Variants in COL13A1 observed in about 807,000 individuals in gnomAD.
The protein encoded by COL13A1 is collagen type XIII alpha 1 chain.
Under a neutral mutation model 130.9 loss-of-function variants are expected in COL13A1, and 89 were observed. The ratio of observed to expected loss-of-function variants is 0.68; its 90% CI spans 0.57 to 0.81. COL13A1 has a LOEUF of 0.81. Among genes scored for constraint, COL13A1 ranks in the 30% least tolerant of loss-of-function variants. The pLI, the probability that COL13A1 is intolerant of heterozygous loss-of-function variation, is 0.00. For missense variants in COL13A1, 879 were observed against 934.6 expected (o/e 0.94, Z 0.78); for synonymous variants, 402 against 341.6 (o/e 1.18, Z -1.95).
intron 31 of COL13A1, 141 bp from the exon 32 acceptor site, chr10:69,935,209 G>A: frequency 4.5e-6 from 3 of 667,620 alleles, no homozygotes; most frequent in Non-Finnish European, 7.8e-6. Flanking sequence ...TTTTTTGGGG[G>A]ATACTGTGCT....
intron 25 of COL13A1, among the ~76,000 whole-genome samples, chr10:69,925,287 G>A (rs1416832043): frequency 1.3e-5 from 2 of 152,212 alleles, no homozygotes; most frequent in East Asian, 1.9e-4. Flanking sequence ...TTAGTCTCAC[G>A]CTCAGTAAAT....
At chr10:69,889,472 T>C (rs780074147) in intron 10 of COL13A1, 32 bp downstream of exon 10, 9 of 1,607,220 alleles carry the variant, frequency 5.6e-6, no homozygotes, top group Non-Finnish European at 7.6e-6. Flanking sequence ...CTTCCCGAGA[T>C]GGGTGGGGGT....
At chr10:69,929,251 G>C (rs1487076403) in intron 28 of COL13A1, among the ~76,000 whole-genome samples, 1 of 151,680 alleles carries the variant, frequency 6.6e-6, no homozygotes, top group Non-Finnish European at 1.5e-5. Context: ...ACACACCCCT[G>C]CCCTTGCCCC....
chr10:69,860,697 C>T, intron 2 of COL13A1: 1 of 279,938 alleles, frequency 3.6e-6, no homozygotes, highest in Non-Finnish European at 7.2e-6. Flanking sequence ...GCCAGGTCCC[C>T]CATGCCCTCC....
intron 17 of COL13A1, among the ~76,000 whole-genome samples, chr10:69,917,012 G>A (rs1349258825): frequency 6.6e-6 from 1 of 152,098 alleles, no homozygotes; most frequent in Non-Finnish European, 1.5e-5. Flanking sequence ...GTAGATCTTG[G>A]GCCAGTCACT....
Position 69,930,562 on chromosome 10 carries a change from A to C in COL13A1, c.1683+10A>C. 1 of 1,611,546 alleles carries C rather than the reference A, an allele frequency of 6.2e-7. No homozygotes were observed. Among genetic ancestry groups the C allele is most frequent in the Non-Finnish European group, 8.5e-7 (1 of 1,178,984 alleles). ...ACAAGCAGGCTCACCGGTGAGTGGCAGGGCTGGCTGCCCTTCCGTGCATAC... is the reference window on the plus strand; with the variant it reads ...ACAAGCAGGCTCACCGGTGAGTGGCCGGGCTGGCTGCCCTTCCGTGCATAC... On this transcript the variant is annotated intron_variant, in intron 30 of 40. Coordinates refer to ENST00000645393, the MANE Select transcript of COL13A1 (RefSeq NM_001368882.1).
At chr10:69,819,930 A>G (rs1190049877) in intron 1 of COL13A1, among the ~76,000 whole-genome samples, 1 of 152,140 alleles carries the variant, frequency 6.6e-6, no homozygotes, top group African/African-American at 2.4e-5. Flanking sequence ...TCCATGAACA[A>G]TCCTGTCTCT....
chr10:69,819,962 C>T (rs1845637331), intron 1 of COL13A1, among the ~76,000 whole-genome samples: 1 of 152,206 alleles, frequency 6.6e-6, no homozygotes, highest in Non-Finnish European at 1.5e-5. Flanking sequence ...TCTGCTGTTC[C>T]CTCTGACTGG....
At chr10:69,947,110 C>G (rs892899308) in intron 37 of COL13A1, among the ~76,000 whole-genome samples, 197 bp from the exon 38 acceptor site, 1 of 152,160 alleles carries the variant, frequency 6.6e-6, no homozygotes, top group Admixed American at 6.5e-5. Flanking sequence ...TTGGCTTTGC[C>G]CAGAACTCAT....
chr10:69,947,166 C>G, intron 37 of COL13A1, 141 bp from the exon 38 acceptor site: 1 of 734,942 alleles, frequency 1.4e-6, no homozygotes. Context: ...CTTCTCTGTC[C>G]CCTTTCCGTG....
chr10:69,894,439 A>G, intron 10 of COL13A1, 113 bp from the exon 11 acceptor site: 1 of 1,290,394 alleles, frequency 7.7e-7, no homozygotes, highest in Non-Finnish European at 1.1e-6. Flanking sequence ...AGACCTGGCC[A>G]TGGCTGGTAG....
intron 39 of COL13A1, 125 bp downstream of exon 39, chr10:69,953,093 T>G: frequency 4.8e-6 from 3 of 626,080 alleles, no homozygotes; most frequent in Non-Finnish European, 7.6e-6. Context: ...CCAAAATCTC[T>G]CTGTTCATTT....
At chr10:69,897,835 A>T (rs1220464437) in intron 13 of COL13A1, among the ~76,000 whole-genome samples, 2 of 152,222 alleles carry the variant, frequency 1.3e-5, no homozygotes, top group African/African-American at 4.8e-5. Context: ...TTGTTTTCAC[A>T]TGGGCTCTGA....
intron 1 of COL13A1, among the ~76,000 whole-genome samples, chr10:69,815,046 C>T (rs765920093): frequency 2.2e-4 from 34 of 152,210 alleles, no homozygotes; most frequent in Admixed American, 8.5e-4. Flanking sequence ...TTATCTCATT[C>T]GGTCTCCACA....
intron 18 of COL13A1, among the ~76,000 whole-genome samples, chr10:69,917,685 T>C (rs987474251): frequency 1.3e-5 from 2 of 148,634 alleles, no homozygotes; most frequent in African/African-American, 5.0e-5. Flanking sequence ...TATCAGGTGA[T>C]GTGAAAACAG....
At chr10:69,870,503 T>TA (rs2058961712) in intron 3 of COL13A1, among the ~76,000 whole-genome samples, 1 of 150,386 alleles carries the variant, frequency 6.6e-6, no homozygotes, top group Admixed American at 6.6e-5. Context: ...TTTTTTTTTT[T>TA]AGAGACGGGG....
chr10:69,947,690 C>T (rs929766843), intron 38 of COL13A1, among the ~76,000 whole-genome samples: 2 of 152,200 alleles, frequency 1.3e-5, no homozygotes, highest in African/African-American at 4.8e-5. Context: ...GCTACCTTGT[C>T]CTTGCCCTCT....
intron 35 of COL13A1, among the ~76,000 whole-genome samples, chr10:69,942,245 A>C (rs1489801407): frequency 5.9e-5 from 9 of 152,200 alleles, no homozygotes. Flanking sequence ...CCAAGATGAC[A>C]GACTTCTTCA....
intron 12 of COL13A1, 140 bp from the exon 13 acceptor site, chr10:69,895,410 A>G (rs1305497762): frequency 1.1e-6 from 1 of 871,488 alleles, no homozygotes; most frequent in Non-Finnish European, 1.9e-6. Flanking sequence ...TCTGCCTCAG[A>G]GGGCTCAGAC....
Sources: gnomAD v4.1 joint callset for allele counts (sites outside exome capture counted in the v4.1 genomes callset) on GRCh38, gnomAD v4.1.1 for gene constraint, MANE v1.5 for transcripts, NCBI Gene and HGNC (gene_info 2026-07-23, HGNC 2026-07-21) for gene names.